Variants in SLC22A9 observed in about 807,000 individuals in gnomAD.
SLC22A9 encodes the protein solute carrier family 22 member 9, also known as organic anion transporter 7.
SLC22A9 carries 64 observed loss-of-function variants against 50.1 expected under a neutral mutation model. That is an observed-to-expected ratio of 1.28 (90% CI 1.04 to 1.57). The LOEUF (loss-of-function observed/expected upper bound fraction) is 1.57. SLC22A9 is among the 40% of genes most tolerant of loss of function. The pLI is 0.00. For missense variants in SLC22A9, 757 were observed against 676.1 expected (o/e 1.12, Z -1.33); for synonymous variants, 261 against 242.5 (o/e 1.08, Z -0.71).
rs115176958 is a variant in SLC22A9, at chr11:63,386,497, G to A, written c.1073+4220G>A. Among the ~76,000 whole-genome samples the A allele has an allele frequency of 7.1e-3, 814 of 114,026 alleles. 10 individuals are homozygous for A. Among genetic ancestry groups the A allele is most frequent in the African/African-American group, 0.027 (745 of 27,474 alleles). 74.8% of individuals were successfully genotyped at this position (114,026 alleles called of 152,430 possible). A position where few individuals can be genotyped will look rare whatever the true frequency, so the allele number is the denominator to read the frequency against. On this transcript the variant is annotated intron_variant, in intron 6 of 9. Transcript: ENST00000279178. ...AAGTAGGCTATTAATTACTGCCTCA[G>A]TTTAGAACGTATTGGTCTATTCAGG...
chr11:63,388,057 A>G (rs1423420296), intron 6 of SLC22A9, among the ~76,000 whole-genome samples: 1 of 152,008 alleles, frequency 6.6e-6, no homozygotes. Context: ...CTTGTTTCTA[A>G]TAGCTTTGTG....
chr11:63,405,111 T>C (rs1001397548), intron 6 of SLC22A9, among the ~76,000 whole-genome samples: 11 of 151,780 alleles, frequency 7.2e-5, no homozygotes, highest in African/African-American at 2.4e-4. Context: ...CCAAAAGCTA[T>C]TGAAATAATA....
At chr11:63,374,241 G>A (rs1158810286) in intron 4 of SLC22A9, among the ~76,000 whole-genome samples, 179 bp downstream of exon 4, 1 of 151,886 alleles carries the variant, frequency 6.6e-6, no homozygotes, top group African/African-American at 2.4e-5. Flanking sequence ...TAAAACTGAG[G>A]GCAATCAATG....
At chr11:63,385,433 TG>T (rs964477932) in intron 6 of SLC22A9, among the ~76,000 whole-genome samples, 2 of 152,156 alleles carry the variant, frequency 1.3e-5, no homozygotes, top group African/African-American at 4.8e-5. Flanking sequence ...GAAGATGGAA[TG>T]TTTTTCCATC....
intron 6 of SLC22A9, among the ~76,000 whole-genome samples, chr11:63,392,353 G>C (rs186486124): frequency 6.6e-6 from 1 of 151,968 alleles, no homozygotes; most frequent in Non-Finnish European, 1.5e-5. Context: ...CAATGTCATT[G>C]TCTTTCAGAT....
chr11:63,406,414 C>G, intron 6 of SLC22A9, 83 bp from the exon 7 acceptor site: 1 of 1,244,308 alleles, frequency 8.0e-7, no homozygotes, highest in South Asian at 1.4e-5. Flanking sequence ...CAATCCCTAG[C>G]TGCCTGGGCC....
At chr11:63,406,398 C>CT (rs2015037667) in intron 6 of SLC22A9, 99 bp from the exon 7 acceptor site, 1 of 1,066,784 alleles carries the variant, frequency 9.4e-7, no homozygotes, top group South Asian at 1.5e-5. Context: ...AGCCTTTATA[C>CT]TTTAACAATC....
At chr11:63,385,630 T>C (rs185577749) in intron 6 of SLC22A9, among the ~76,000 whole-genome samples, 99 of 152,284 alleles carry the variant, frequency 6.5e-4, no homozygotes, top group African/African-American at 2.4e-3. Context: ...TTGTGATTTC[T>C]GCATATTGAT....
chr11:63,408,723 C>A lies in SLC22A9; in HGVS notation c.1445C>A (p.Ala482Asp). The A allele has an allele frequency of 6.2e-7, 1 of 1,613,982 alleles. No individual in the cohort carries two copies. Among genetic ancestry groups the A allele is most frequent in the Non-Finnish European group, 8.5e-7 (1 of 1,179,934 alleles). Residue 482 changes from alanine (A) to aspartate (D), a missense_variant, in exon 9 of 10, where the codon GCC becomes GAC. Coordinates refer to ENST00000279178, the MANE Select transcript of SLC22A9 (RefSeq NM_080866.3). ...INATFANIAG[A>D]LAPLMMILSV... ...GCAACCTTTGCTAATATAGCAGGAG[C>A]CCTGGCTCCCCTCATGATGATCCTA...
chr11:63,373,522 G>T lies in SLC22A9; in HGVS notation c.507-122G>T, dbSNP rs1054426431. 15 of 957,628 alleles carry T rather than the reference G, an allele frequency of 1.6e-5. No homozygotes were observed. The African/African-American group carries it at 2.0e-4, about 13-fold the overall frequency. 59.3% of individuals were successfully genotyped at this position (957,628 alleles called of 1,614,324 possible). A position where few individuals can be genotyped will look rare whatever the true frequency, so the allele number is the denominator to read the frequency against. ...CTGCCATTGATTACTGATTCTTTAA[G>T]GCTTCAAATGCAAAGTTTCACTTGT... On this transcript the variant is annotated intron_variant, in intron 2 of 9. Coordinates refer to ENST00000279178, the MANE Select transcript of SLC22A9 (RefSeq NM_080866.3).
chr11:63,408,148 G>T lies in SLC22A9; in HGVS notation c.1325G>T (p.Gly442Val). 6.2e-7 allele frequency: 1 copy of T among 1,613,690 alleles called. No homozygotes were observed. The highest frequency in any genetic ancestry group is 8.5e-7 in the Non-Finnish European group (1 of 1,179,782). ...CTGCGTGAGGTTTTGGCAACACTGG[G>T]CTTAGGAGCGTCTGCTCTTGCCAAT... ...QTLREVLATL[G>V]LGASALANTL... The change falls in exon 8 of 10, where the codon GGC becomes GTC. Residue 442 changes from glycine to valine, a missense_variant. Physicochemically the swap from Gly to Val is moderately radical, Grantham distance 109. Coordinates refer to ENST00000279178, the MANE Select transcript of SLC22A9 (RefSeq NM_080866.3).
intron 4 of SLC22A9, 106 bp from the exon 5 acceptor site, chr11:63,375,539 C>A: frequency 6.8e-7 from 1 of 1,475,250 alleles, no homozygotes; most frequent in Non-Finnish European, 9.1e-7. Flanking sequence ...TAAAACCAAA[C>A]AAGTGGTGGA....
At chr11:63,387,509 T>C (rs1189437708) in intron 6 of SLC22A9, among the ~76,000 whole-genome samples, 2 of 152,004 alleles carry the variant, frequency 1.3e-5, no homozygotes, top group Non-Finnish European at 2.9e-5. Flanking sequence ...AAGCATACAC[T>C]GATCTATGTT....
At chr11:63,400,077 A>G (rs2014927072) in intron 6 of SLC22A9, among the ~76,000 whole-genome samples, 1 of 152,086 alleles carries the variant, frequency 6.6e-6, no homozygotes, top group African/African-American at 2.4e-5. Context: ...CTACCTCAAA[A>G]CAGTAGAAAG....
chr11:63,376,508 T>C (rs2014463540), intron 5 of SLC22A9, among the ~76,000 whole-genome samples: 1 of 151,812 alleles, frequency 6.6e-6, no homozygotes, highest in African/African-American at 2.4e-5. Context: ...AGATCATGAA[T>C]AACAGAATAA....
intron 9 of SLC22A9, among the ~76,000 whole-genome samples, chr11:63,409,338 G>A (rs558285429): frequency 6.6e-6 from 1 of 152,074 alleles, no homozygotes; most frequent in Admixed American, 6.6e-5. Context: ...GTATGCAGAT[G>A]CAGGGGTATC....
At position 63,406,639 on chromosome 11, in the gene SLC22A9, C is replaced by T. The variant is rs1410290920; in HGVS notation, c.1216C>T (p.Arg406Cys). 6.2e-6 allele frequency: 10 copies of T among 1,613,650 alleles called. No individual in the cohort carries two copies. The highest frequency in any genetic ancestry group is 4.4e-5 in the South Asian group (4 of 91,084). Reference protein sequence around the residue: ...VAPWALKYMNRRASQMLLMFL... With the variant: ...VAPWALKYMNCRASQMLLMFL... ...ACCTTGGGCACTGAAATACATGAACCGTCGAGCAAGCCAGATGCTTCTCAT... is the reference window on the plus strand; with the variant it reads ...ACCTTGGGCACTGAAATACATGAACTGTCGAGCAAGCCAGATGCTTCTCAT... The change falls in exon 7 of 10, where the codon CGT (arginine) becomes TGT (cysteine). Residue 406 changes from arginine to cysteine, a missense_variant. Transcript: ENST00000279178.
chr11:63,373,298 T>C (rs1273775504), intron 2 of SLC22A9, among the ~76,000 whole-genome samples: 3 of 152,098 alleles, frequency 2.0e-5, no homozygotes, highest in African/African-American at 7.2e-5. Flanking sequence ...TCTACTATGC[T>C]AAAGTACATG....
At chr11:63,398,928 A>G (rs1183840018) in intron 6 of SLC22A9, among the ~76,000 whole-genome samples, 1 of 152,182 alleles carries the variant, frequency 6.6e-6, no homozygotes, top group Non-Finnish European at 1.5e-5. Flanking sequence ...CTGTATTATT[A>G]TTCCTTCAAA....
Sources: gnomAD v4.1 joint callset for allele counts (sites outside exome capture counted in the v4.1 genomes callset) on GRCh38, gnomAD v4.1.1 for gene constraint, MANE v1.5 for transcripts, NCBI Gene and HGNC (gene_info 2026-07-23, HGNC 2026-07-21) for gene names.